CTNNA3: variants seen among roughly 807,000 people sequenced by gnomAD.
CTNNA3 encodes the protein catenin alpha 3, also known as catenin alpha-3.
A neutral mutation model predicts 95.7 loss-of-function variants in CTNNA3; 76 were observed. The ratio of observed to expected loss-of-function variants is 0.79; its 90% CI spans 0.66 to 0.96. The LOEUF (loss-of-function observed/expected upper bound fraction) is 0.96, where lower values mean the gene tolerates loss of function less well. CTNNA3 is among the 40% of genes least tolerant of loss of function. The probability of loss-of-function intolerance (pLI) is 0.00; values close to 1 mark genes in which losing one functional copy is unlikely to be tolerated. For missense variants in CTNNA3, 1,191 were observed against 1,089.8 expected, an observed-to-expected ratio of 1.09 and a Z score of -1.31; for synonymous variants, 431 against 374.4, an observed-to-expected ratio of 1.15 and a Z score of -1.74.
At chr10:66,164,003 C>T (rs185691272) in intron 13 of CTNNA3, among the ~76,000 whole-genome samples, 13 of 152,224 alleles carry the variant, frequency 8.5e-5, no homozygotes, top group African/African-American at 3.1e-4. Context: ...TTAAAAGCAA[C>T]ATGGGAGAAA....
intron 13 of CTNNA3, among the ~76,000 whole-genome samples, chr10:66,262,998 G>A (rs942608720): frequency 6.6e-6 from 1 of 151,838 alleles, no homozygotes; most frequent in Non-Finnish European, 1.5e-5. Context: ...TGTGACCCAA[G>A]CAGAAATACT....
intron 5 of CTNNA3, among the ~76,000 whole-genome samples, chr10:67,357,428 A>T (rs1842848332): frequency 6.6e-6 from 1 of 152,140 alleles, no homozygotes; most frequent in Admixed American, 6.6e-5. Flanking sequence ...GGCTTCATAT[A>T]TTCAATAAAA....
intron 9 of CTNNA3, among the ~76,000 whole-genome samples, chr10:66,664,771 G>A (rs1378287704): frequency 1.3e-5 from 2 of 151,758 alleles, no homozygotes; most frequent in Non-Finnish European, 2.9e-5. Context: ...ACTGGGAAAT[G>A]CTCATTGAAA....
chr10:66,615,809 C>T (rs1419456257), intron 10 of CTNNA3, among the ~76,000 whole-genome samples: 2 of 151,946 alleles, frequency 1.3e-5, no homozygotes, highest in Admixed American at 6.6e-5. Context: ...CTCCTGATGA[C>T]CCATGTGCTT....
chr10:67,245,576 T>C (rs1158382363), intron 5 of CTNNA3, among the ~76,000 whole-genome samples: 2 of 152,136 alleles, frequency 1.3e-5, no homozygotes, highest in Non-Finnish European at 2.9e-5. Context: ...ACCAGAGAAT[T>C]GGCCAGGTGC....
intron 3 of CTNNA3, among the ~76,000 whole-genome samples, chr10:67,541,375 A>G (rs879525140): frequency 8.6e-5 from 13 of 152,042 alleles, no homozygotes; most frequent in Non-Finnish European, 1.8e-4. Flanking sequence ...ATTTTATTAA[A>G]TAAAATAAAG....
chr10:67,669,365 C>T (rs912123793), intron 1 of CTNNA3, among the ~76,000 whole-genome samples: 1 of 152,126 alleles, frequency 6.6e-6, no homozygotes, highest in African/African-American at 2.4e-5. Flanking sequence ...ATCCATGTTA[C>T]ACTCTAATCC....
At chr10:66,088,228 A>T (rs1235397270) in intron 14 of CTNNA3, among the ~76,000 whole-genome samples, 1 of 152,022 alleles carries the variant, frequency 6.6e-6, no homozygotes, top group Non-Finnish European at 1.5e-5. Flanking sequence ...AAGATTTTGA[A>T]AGCAATATTT....
chr10:67,389,414 G>A (rs1219704105), intron 5 of CTNNA3, among the ~76,000 whole-genome samples: 1 of 151,240 alleles, frequency 6.6e-6, no homozygotes, highest in East Asian at 1.9e-4. Context: ...CATAAAGCAA[G>A]TCCTGAGTGA....
intron 1 of CTNNA3, among the ~76,000 whole-genome samples, chr10:67,760,187 A>G (rs1397337059): frequency 6.6e-6 from 1 of 152,214 alleles, no homozygotes; most frequent in African/African-American, 2.4e-5. Context: ...AGGTGTCAGT[A>G]TCAGTTGGGA....
At chr10:67,193,105 G>A (rs1201516869) in intron 6 of CTNNA3, among the ~76,000 whole-genome samples, 1 of 151,938 alleles carries the variant, frequency 6.6e-6, no homozygotes, top group Non-Finnish European at 1.5e-5. Context: ...TGCCACAGAT[G>A]AGAGGGTGTG....
chr10:66,919,996 A>T (rs543583714), intron 7 of CTNNA3, among the ~76,000 whole-genome samples: 36 of 152,184 alleles, frequency 2.4e-4, no homozygotes, highest in Non-Finnish European at 4.1e-4. Flanking sequence ...ATTCTGTATA[A>T]TAAATGGTTG....
intron 5 of CTNNA3, among the ~76,000 whole-genome samples, chr10:67,302,859 AAATTAG>A (rs1422772738): frequency 1.3e-5 from 2 of 152,218 alleles, no homozygotes; most frequent in Non-Finnish European, 2.9e-5. Context: ...TGGTATAACC[AAATTAG>A]AATAATTGAA....
At chr10:66,837,156 G>A (rs1170401701) in intron 7 of CTNNA3, among the ~76,000 whole-genome samples, 1 of 152,116 alleles carries the variant, frequency 6.6e-6, no homozygotes, top group African/African-American at 2.4e-5. Context: ...CTTATCAAGA[G>A]AGTCTCCTTA....
intron 14 of CTNNA3, among the ~76,000 whole-genome samples, chr10:66,095,573 T>C (rs1156619056): frequency 6.6e-6 from 1 of 152,126 alleles, no homozygotes; most frequent in African/African-American, 2.4e-5. Context: ...ATGTTTTTAA[T>C]TTTTAGAGTA....
chr10:67,624,218 G>T (rs1157530946), intron 2 of CTNNA3, among the ~76,000 whole-genome samples: 1 of 151,936 alleles, frequency 6.6e-6, no homozygotes, highest in Non-Finnish European at 1.5e-5. Flanking sequence ...ACTCGCCAAA[G>T]AAAAAAATAA....
At chr10:66,480,651 C>G (rs1565003836) in intron 11 of CTNNA3, among the ~76,000 whole-genome samples, 2 of 152,084 alleles carry the variant, frequency 1.3e-5, no homozygotes, top group African/African-American at 4.8e-5. Context: ...GTCACCCAGT[C>G]TGGAGTGCAG....
At chr10:67,224,935 C>T (rs1431555634) in intron 5 of CTNNA3, among the ~76,000 whole-genome samples, 1 of 152,132 alleles carries the variant, frequency 6.6e-6, no homozygotes, top group African/African-American at 2.4e-5. Flanking sequence ...GGGGGAAGAA[C>T]CAGGCCGTTT....
rs147877672 is a variant in CTNNA3, at chr10:67,166,618, C to T, written c.1047+13699G>A. On this transcript the variant is annotated intron_variant, in intron 7 of 17. Transcript: ENST00000433211. ...TTTCTAATAAAGCTGTAACTAACAA[C>T]TCTTGACCATTATGGCTAAGGAGAC... Among the ~76,000 whole-genome samples, 69 of 152,284 alleles carry T rather than the reference C, an allele frequency of 4.5e-4. 1 individual carries two copies. In the East Asian group the frequency reaches 0.013, roughly 28 times the overall value.
Sources: gnomAD v4.1 joint callset for allele counts (sites outside exome capture counted in the v4.1 genomes callset) on GRCh38, gnomAD v4.1.1 for gene constraint, MANE v1.5 for transcripts, NCBI Gene and HGNC (gene_info 2026-07-23, HGNC 2026-07-21) for gene names.